TRIM36: variants seen among roughly 807,000 people sequenced by gnomAD.
TRIM36 encodes tripartite motif containing 36, also known as E3 ubiquitin-protein ligase TRIM36.
Under a neutral mutation model 72.4 loss-of-function variants are expected in TRIM36, and 42 were observed. The ratio of observed to expected loss-of-function variants is 0.58; its 90% CI spans 0.45 to 0.75. The LOEUF (loss-of-function observed/expected upper bound fraction) is 0.75. Among genes scored for constraint, TRIM36 ranks in the 30% least tolerant of loss-of-function variants. The probability of loss-of-function intolerance (pLI) is 0.00; values close to 1 mark genes in which losing one functional copy is unlikely to be tolerated. For missense variants in TRIM36, 913 were observed against 857.1 expected (o/e 1.07, Z -0.81); for synonymous variants, 315 against 282.8 (o/e 1.11, Z -1.14).
chr5:115,130,944 T>C, intron 8 of TRIM36, 55 bp from the exon 9 acceptor site: 4 of 1,526,626 alleles, frequency 2.6e-6, no homozygotes, highest in East Asian at 4.5e-5. Context: ...CTCTAGTTTG[T>C]TAAATCTGAT....
Position 115,126,347 on chromosome 5 carries a change from A to C in TRIM36, c.*156T>G, listed in dbSNP as rs1752356522. On this transcript the variant is annotated 3_prime_UTR_variant, in exon 10 of 10. Coordinates refer to ENST00000513154, the MANE Select transcript of TRIM36 (RefSeq NM_001300759.2). ...AAAGGCAGAACAACGACATGAAGAC[A>C]CAAGGCTGTTTAGATTTTCTGTATT... The C allele has an allele frequency of 1.6e-6, 1 of 612,146 alleles. No homozygotes were observed. Among genetic ancestry groups the C allele is most frequent in the Admixed American group, 3.1e-5 (1 of 32,648 alleles). The allele number at this position is 612,146 out of a possible 1,614,324, so 37.9% of individuals were successfully genotyped here. A position where few individuals can be genotyped will look rare whatever the true frequency, so the allele number is the denominator to read the frequency against.
rs145134898 is a variant in TRIM36, at chr5:115,164,043, G to A, written c.28-291C>T. ...ATCAAAAATTATAAAGCCATCATTCGAATCTCCATCACCAGTGCACTGATT... is the reference window on the plus strand; with the variant it reads ...ATCAAAAATTATAAAGCCATCATTCAAATCTCCATCACCAGTGCACTGATT... On this transcript the variant is annotated intron_variant, in intron 1 of 9. Coordinates refer to ENST00000513154, the MANE Select transcript of TRIM36 (RefSeq NM_001300759.2). Among the ~76,000 whole-genome samples the A allele has an allele frequency of 8.5e-5, 13 of 152,252 alleles. No homozygotes were observed. In the East Asian group the frequency reaches 1.7e-3, roughly 20 times the overall value.
intron 1 of TRIM36, 145 bp downstream of exon 1, chr5:115,169,463 A>G: frequency 3.3e-6 from 3 of 895,568 alleles, no homozygotes; most frequent in Non-Finnish European, 4.8e-6. Flanking sequence ...GGGCGGGAGA[A>G]GGCGAAGAGG....
At chr5:115,132,953 A>T (rs1209123520) in intron 8 of TRIM36, among the ~76,000 whole-genome samples, 1 of 152,234 alleles carries the variant, frequency 6.6e-6, no homozygotes, top group East Asian at 1.9e-4. Context: ...AATTTTAGCC[A>T]ATCTTCCATG....
intron 2 of TRIM36, chr5:115,148,894 C>T (rs1455975833): frequency 2.0e-5 from 3 of 152,126 alleles, no homozygotes; most frequent in African/African-American, 7.2e-5. Context: ...ATACCCTTTG[C>T]ATATAACTGT....
chr5:115,168,083 G>C (rs1242303360), intron 1 of TRIM36, among the ~76,000 whole-genome samples: 1 of 152,120 alleles, frequency 6.6e-6, no homozygotes, highest in African/African-American at 2.4e-5. Flanking sequence ...CCACTCCCAC[G>C]ATCCAATCAC....
chr5:115,135,964 G>A (rs1313256595), intron 7 of TRIM36, among the ~76,000 whole-genome samples: 1 of 151,992 alleles, frequency 6.6e-6, no homozygotes, highest in Non-Finnish European at 1.5e-5. Context: ...TCTTTGTAGT[G>A]TTCACCATCA....
At chr5:115,175,022 A>C (rs1755271489) in intron 1 of TRIM36, among the ~76,000 whole-genome samples, 1 of 152,166 alleles carries the variant, frequency 6.6e-6, no homozygotes, top group African/African-American at 2.4e-5. Context: ...TCTGTTGACC[A>C]CATCTTATTA....
rs1580627433 is a variant in TRIM36 at position 115,125,589 on chromosome 5, G to C, written c.*914C>G. On this transcript the variant is annotated 3_prime_UTR_variant, in exon 10 of 10. Coordinates refer to ENST00000513154, the MANE Select transcript of TRIM36 (RefSeq NM_001300759.2). ...AGGAAAACCTGATATGTAATAATTG[G>C]GCCAAAAATGAAAATCACAAAACAC... 1.3e-5 allele frequency: 2 copies of C among 151,646 alleles called. No homozygotes were observed. Among genetic ancestry groups the C allele is most frequent in the South Asian group, 4.1e-4 (2 of 4,820 alleles). The allele number at this position is 151,646 out of a possible 1,614,324, so 9.4% of individuals were successfully genotyped here.
At chr5:115,172,403 A>G (rs904287135), upstream of TRIM36, among the ~76,000 whole-genome samples, 2 of 152,208 alleles carry the variant, frequency 1.3e-5, no homozygotes, top group Non-Finnish European at 2.9e-5. Flanking sequence ...ACCATGGAAT[A>G]CTATGCAGCA....
In TRIM36 at chr5:115,169,772, G is replaced by A; in HGVS notation, c.-138C>T. 1 of 1,335,266 alleles carries A rather than the reference G, an allele frequency of 7.5e-7. No individual in the cohort carries two copies. The highest frequency in any genetic ancestry group is 9.7e-7 in the Non-Finnish European group (1 of 1,034,414). The allele number at this position is 1,335,266 out of a possible 1,614,324, so 82.7% of individuals were successfully genotyped here. ...GAAGATGAGCTGGTCAGCTGTACGTGGCCAGCGGACCGACGCGGGGAGAAG... is the reference window on the plus strand; with the variant it reads ...GAAGATGAGCTGGTCAGCTGTACGTAGCCAGCGGACCGACGCGGGGAGAAG... On this transcript the variant is annotated 5_prime_UTR_variant, in exon 1 of 10. Coordinates refer to ENST00000513154, the MANE Select transcript of TRIM36 (RefSeq NM_001300759.2).
intron 2 of TRIM36, among the ~76,000 whole-genome samples, chr5:115,158,556 AC>A (rs145936638): frequency 3.9e-5 from 6 of 152,174 alleles, no homozygotes; most frequent in Non-Finnish European, 5.9e-5. Flanking sequence ...TTCATGAACT[AC>A]CTCTCCCAAT....
chr5:115,137,532 A>G lies in TRIM36; in HGVS notation c.916T>C (p.Leu306=), dbSNP rs1427369144. Residue 306 remains leucine, a synonymous_variant, in exon 6 of 10, where the codon TTG becomes CTG. Transcript: ENST00000513154. ...EVLEERKSSV[L]KAIDSSKKLR... ...TTCTTAGAGGAGTCAATTGCTTTCA[A>G]AACAGATGATTTCCTCTCTTCCAGA... The G allele has an allele frequency of 1.2e-6, 2 of 1,613,982 alleles. 1 individual carries two copies. Among genetic ancestry groups the G allele is most frequent in the East Asian group, 4.5e-5 (2 of 44,870 alleles).
chr5:115,162,959 CTT>C (rs35177858), intron 2 of TRIM36, among the ~76,000 whole-genome samples: 65 of 142,164 alleles, frequency 4.6e-4, no homozygotes, highest in Non-Finnish European at 7.2e-4. Flanking sequence ...ACAAACATAG[CTT>C]TTTTTTTTTT....
chr5:115,165,306 C>T (rs1464086727), intron 1 of TRIM36, among the ~76,000 whole-genome samples: 1 of 152,220 alleles, frequency 6.6e-6, no homozygotes, highest in Non-Finnish European at 1.5e-5. Flanking sequence ...CTCACATTTC[C>T]CCTTTGCACT....
At chr5:115,160,853 T>C (rs1259514933) in intron 2 of TRIM36, among the ~76,000 whole-genome samples, 1 of 151,980 alleles carries the variant, frequency 6.6e-6, no homozygotes, top group Non-Finnish European at 1.5e-5. Context: ...CTGTCTCAAA[T>C]AAATGTCTAA....
At chr5:115,173,570 G>A (rs893407677), upstream of TRIM36, among the ~76,000 whole-genome samples, 1 of 152,114 alleles carries the variant, frequency 6.6e-6, no homozygotes, top group Non-Finnish European at 1.5e-5. Context: ...TGAAGAGCAG[G>A]AGTTAGAGGG....
chr5:115,175,735 T>C (rs535209923), intron 1 of TRIM36, among the ~76,000 whole-genome samples: 1 of 152,258 alleles, frequency 6.6e-6, no homozygotes, highest in African/African-American at 2.4e-5. Flanking sequence ...TTTCAAATGA[T>C]ATTACAAAAA....
At chr5:115,168,031 A>C (rs1375274972) in intron 1 of TRIM36, among the ~76,000 whole-genome samples, 2 of 152,144 alleles carry the variant, frequency 1.3e-5, no homozygotes, top group Non-Finnish European at 2.9e-5. Flanking sequence ...AAACCATCAG[A>C]TATTGGGAGA....
Sources: gnomAD v4.1 joint callset for allele counts (sites outside exome capture counted in the v4.1 genomes callset) on GRCh38, gnomAD v4.1.1 for gene constraint, MANE v1.5 for transcripts, NCBI Gene and HGNC (gene_info 2026-07-23, HGNC 2026-07-21) for gene names.